The following ZFAND6 variants were observed in gnomAD, a reference collection of about 807,000 sequenced individuals.
The protein encoded by ZFAND6 is zinc finger AN1-type containing 6.
A neutral mutation model predicts 24.5 loss-of-function variants in ZFAND6; 12 were observed. The ratio of observed to expected loss-of-function variants is 0.49; its 90% CI spans 0.31 to 0.79. The LOEUF is 0.79. ZFAND6 is among the 30% of genes least tolerant of loss of function. The pLI, the probability that ZFAND6 is intolerant of heterozygous loss-of-function variation, is 0.04. For missense variants in ZFAND6, 207 were observed against 245.9 expected (o/e 0.84, Z 1.06); for synonymous variants, 92 against 81.5 (o/e 1.13, Z -0.69).
chr15:80,119,609 A>G (rs75884560), intron 2 of ZFAND6, among the ~76,000 whole-genome samples: 2,104 of 152,182 alleles, frequency 0.014, 48 homozygotes, highest in African/African-American at 0.048. Context: ...ATACATTCTA[A>G]TGTTATTGTC....
chr15:80,073,250 T>C, intron 1 of ZFAND6: 1 of 280,284 alleles, frequency 3.6e-6, no homozygotes, highest in Non-Finnish European at 7.2e-6. Flanking sequence ...ATTCAAACTC[T>C]TCATTTCTTT....
At chr15:80,102,334 C>T (rs1369149817) in intron 2 of ZFAND6, among the ~76,000 whole-genome samples, 1 of 152,010 alleles carries the variant, frequency 6.6e-6, no homozygotes, top group Non-Finnish European at 1.5e-5. Context: ...GTCTCGAACT[C>T]CTGACCTCAG....
intron 2 of ZFAND6, among the ~76,000 whole-genome samples, chr15:80,114,672 C>T (rs2039783295): frequency 6.6e-6 from 1 of 152,136 alleles, no homozygotes; most frequent in East Asian, 1.9e-4. Flanking sequence ...CATGTGTGTG[C>T]TGTTATAATT....
chr15:80,129,258 A>G (rs1385304069), intron 5 of ZFAND6, among the ~76,000 whole-genome samples: 1 of 152,254 alleles, frequency 6.6e-6, no homozygotes, highest in Middle Eastern at 3.2e-3. Context: ...TTTCAAAAAT[A>G]GTATGTTCAC....
At chr15:80,083,117 G>A (rs541427599) in intron 1 of ZFAND6, among the ~76,000 whole-genome samples, 3 of 152,032 alleles carry the variant, frequency 2.0e-5, no homozygotes, top group Admixed American at 6.5e-5. Context: ...TCAGCCTCCC[G>A]AGTAGCTGGG....
intron 2 of ZFAND6, among the ~76,000 whole-genome samples, chr15:80,113,904 A>G (rs1307222065): frequency 6.6e-6 from 1 of 152,104 alleles, no homozygotes; most frequent in Non-Finnish European, 1.5e-5. Flanking sequence ...TTCCTTAGGA[A>G]TATAGAGTAG....
chr15:80,083,227 G>C (rs1356069075), intron 1 of ZFAND6, among the ~76,000 whole-genome samples: 3 of 152,114 alleles, frequency 2.0e-5, no homozygotes, highest in South Asian at 2.1e-4. Context: ...TCCTGACCTC[G>C]TGATCCGCCC....
At chr15:80,108,501 A>C (rs1446610500) in intron 2 of ZFAND6, among the ~76,000 whole-genome samples, 1 of 152,188 alleles carries the variant, frequency 6.6e-6, no homozygotes, top group African/African-American at 2.4e-5. Flanking sequence ...TTTGCAAATA[A>C]GAATATTGGG....
intron 1 of ZFAND6, among the ~76,000 whole-genome samples, chr15:80,094,465 C>T (rs1162799183): frequency 6.6e-6 from 1 of 151,952 alleles, no homozygotes; most frequent in Non-Finnish European, 1.5e-5. Context: ...TCATCCCGCC[C>T]ACCCCTACCC....
intron 1 of ZFAND6, among the ~76,000 whole-genome samples, chr15:80,095,643 C>T (rs2038674662): frequency 6.6e-6 from 1 of 152,038 alleles, no homozygotes. Flanking sequence ...AGCTCAGTAC[C>T]ATAGTAGGAA....
chr15:80,120,577 C>G, intron 3 of ZFAND6, 79 bp downstream of exon 3: 1 of 1,201,826 alleles, frequency 8.3e-7, no homozygotes. Flanking sequence ...ATACCTTTTT[C>G]TGCTCTCACA....
At chr15:80,066,824 G>C (rs2036669805) in intron 1 of ZFAND6, among the ~76,000 whole-genome samples, 1 of 150,584 alleles carries the variant, frequency 6.6e-6, no homozygotes, top group Admixed American at 6.6e-5. Context: ...TTGAAACTTA[G>C]AGGCGGAGGT....
chr15:80,097,634 CAAG>C (rs2038803919), intron 1 of ZFAND6, among the ~76,000 whole-genome samples: 1 of 150,702 alleles, frequency 6.6e-6, no homozygotes, highest in Non-Finnish European at 1.5e-5. Context: ...GCCTGGGCAA[CAAG>C]AACGAAACTG....
intron 2 of ZFAND6, among the ~76,000 whole-genome samples, chr15:80,098,856 T>C (rs932355832): frequency 6.6e-6 from 1 of 152,148 alleles, no homozygotes; most frequent in African/African-American, 2.4e-5. Flanking sequence ...TAATTTATTA[T>C]TGTGAAGCAA....
chr15:80,118,471 A>T (rs1032094297), intron 2 of ZFAND6, among the ~76,000 whole-genome samples: 3 of 152,224 alleles, frequency 2.0e-5, no homozygotes, highest in Non-Finnish European at 4.4e-5. Context: ...AGTATTCTTC[A>T]TAAAATAGGC....
chr15:80,117,650 ACTT>A (rs2039942718), intron 2 of ZFAND6, among the ~76,000 whole-genome samples: 1 of 152,180 alleles, frequency 6.6e-6, no homozygotes, highest in South Asian at 2.1e-4. Flanking sequence ...CAGTCTTCAT[ACTT>A]CTTTACACAA....
intron 2 of ZFAND6, among the ~76,000 whole-genome samples, chr15:80,101,204 T>C (rs936455312): frequency 1.3e-5 from 2 of 152,224 alleles, no homozygotes; most frequent in African/African-American, 4.8e-5. Flanking sequence ...GGCTCACGCC[T>C]GTAATCCCAG....
chr15:80,121,586 C>CTT, intron 3 of ZFAND6, 126 bp from the exon 4 acceptor site: 1 of 610,398 alleles, frequency 1.6e-6, no homozygotes, highest in Non-Finnish European at 2.5e-6. Context: ...AATGAACCAA[C>CTT]ATACTACATA....
At chr15:80,127,625 A>G (rs1277173638) in intron 5 of ZFAND6, among the ~76,000 whole-genome samples, 1 of 149,834 alleles carries the variant, frequency 6.7e-6, no homozygotes, top group East Asian at 1.9e-4. Context: ...ACCATGCTCA[A>G]CTTCATTAGA....
Sources: gnomAD v4.1 joint callset for allele counts (sites outside exome capture counted in the v4.1 genomes callset) on GRCh38, gnomAD v4.1.1 for gene constraint, MANE v1.5 for transcripts, NCBI Gene and HGNC (gene_info 2026-07-23, HGNC 2026-07-21) for gene names.